The following PTPN13 variants were observed in gnomAD, a reference collection of about 807,000 sequenced individuals.
PTPN13 encodes protein tyrosine phosphatase non-receptor type 13.
A neutral mutation model predicts 284.0 loss-of-function variants in PTPN13; 191 were observed. That is an observed-to-expected ratio of 0.67 (90% CI 0.60 to 0.76). The LOEUF is 0.76. PTPN13 is among the 30% of genes least tolerant of loss of function. PTPN13 has a pLI of 0.00. For synonymous variants in PTPN13, 986 were observed against 1,022.3 expected, an observed-to-expected ratio of 0.96 and a Z score of 0.68; for missense variants, 2,797 against 2,939.9, an observed-to-expected ratio of 0.95 and a Z score of 1.12.
intron 35 of PTPN13, among the ~76,000 whole-genome samples, chr4:86,776,641 C>A (rs1740680072): frequency 6.6e-6 from 1 of 152,184 alleles, no homozygotes; most frequent in African/African-American, 2.4e-5. Flanking sequence ...AAATACCCAA[C>A]CTACCAAACA....
intron 2 of PTPN13, among the ~76,000 whole-genome samples, chr4:86,664,665 AT>A (rs1488307519): frequency 1.3e-5 from 2 of 152,196 alleles, no homozygotes; most frequent in East Asian, 3.8e-4. Context: ...GTATTTTGGC[AT>A]GTAATTTTGG....
rs184221078 is a variant in PTPN13, at chr4:86,732,464, G to C, written c.1673G>C (p.Arg558Pro). 12 of 1,600,642 alleles carry C rather than the reference G, an allele frequency of 7.5e-6. No homozygotes were observed. In the South Asian group the frequency reaches 1.0e-4, roughly 14 times the overall value. ...IEPFISLDLPRSILTKKGKNE... is the reference protein window; with the variant it reads ...IEPFISLDLPPSILTKKGKNE... The stretch of plus-strand genomic sequence containing the variant: ...CCATTTATATCTTTGGATTTGCCAC[G>C]GTCTATTCTTGTAAGTAATAAAACC... Residue 558 changes from arginine to proline, a missense_variant, in exon 11 of 48, where the codon CGG becomes CCG. Arg to Pro is a moderately radical substitution (Grantham distance 103). Transcript: ENST00000411767.
At chr4:86,622,390 T>C (rs546059554) in intron 1 of PTPN13, among the ~76,000 whole-genome samples, 1 of 152,218 alleles carries the variant, frequency 6.6e-6, no homozygotes, top group African/African-American at 2.4e-5. Flanking sequence ...TGGTAATAAC[T>C]AAGTACATAA....
At chr4:86,748,756 C>T (rs964896307) in intron 17 of PTPN13, among the ~76,000 whole-genome samples, 5 of 151,972 alleles carry the variant, frequency 3.3e-5, no homozygotes, top group South Asian at 4.1e-4. Context: ...CCCGGGTTCA[C>T]GCCATTCTCC....
At chr4:86,684,926 A>G (rs146298891) in intron 3 of PTPN13, among the ~76,000 whole-genome samples, 1 of 152,250 alleles carries the variant, frequency 6.6e-6, no homozygotes, top group Admixed American at 6.5e-5. Context: ...GTCACAGAAA[A>G]AAATAGAAGC....
intron 20 of PTPN13, 116 bp from the exon 21 acceptor site, chr4:86,758,144 T>A (rs1037929213): frequency 1.7e-6 from 1 of 583,884 alleles, no homozygotes; most frequent in Non-Finnish European, 2.9e-6. Context: ...TTAAAATATA[T>A]GTTTAAGTGA....
intron 2 of PTPN13, among the ~76,000 whole-genome samples, chr4:86,660,543 AG>A (rs1292837983): frequency 6.6e-6 from 1 of 152,178 alleles, no homozygotes; most frequent in African/African-American, 2.4e-5. Context: ...TTTTATCTAT[AG>A]CCATAATTTT....
chr4:86,637,119 A>C (rs1168469475), intron 2 of PTPN13, among the ~76,000 whole-genome samples: 2 of 152,170 alleles, frequency 1.3e-5, no homozygotes, highest in Non-Finnish European at 2.9e-5. Flanking sequence ...CTCTCCCAAG[A>C]CTAAACCAGG....
At chr4:86,688,592 A>T (rs1298066064) in intron 4 of PTPN13, among the ~76,000 whole-genome samples, 1 of 152,090 alleles carries the variant, frequency 6.6e-6, no homozygotes, top group Non-Finnish European at 1.5e-5. Context: ...TTATCATGGG[A>T]GTATCTAATT....
chr4:86,784,533 A>T lies in PTPN13; in HGVS notation c.6093A>T (p.Gly2031=). The change falls in exon 38 of 48, where the codon GGA becomes GGT. Residue 2031 remains glycine, a synonymous_variant. Coordinates refer to ENST00000411767, the MANE Select transcript of PTPN13 (RefSeq NM_080683.3). ...AATGTTCTACTTATCAGATAAAGGGATCACCAAACTTGACTCTGCCCAAAG... is the reference window on the plus strand; with the variant it reads ...AATGTTCTACTTATCAGATAAAGGGTTCACCAAACTTGACTCTGCCCAAAG... ...KGKCSTYQIK[G]SPNLTLPKES... is the part of the protein sequence containing the mutation. 6.2e-7 allele frequency: 1 copy of T among 1,608,178 alleles called. No individual in the cohort carries two copies. Among genetic ancestry groups the T allele is most frequent in the Non-Finnish European group, 8.5e-7 (1 of 1,177,764 alleles).
intron 1 of PTPN13, among the ~76,000 whole-genome samples, chr4:86,598,226 C>T (rs920277103): frequency 6.6e-6 from 1 of 151,946 alleles, no homozygotes; most frequent in African/African-American, 2.4e-5. Context: ...GCAACCTCTG[C>T]CCCCGATCCT....
At chr4:86,753,611 A>C (rs1737639402) in intron 20 of PTPN13, among the ~76,000 whole-genome samples, 2 of 152,216 alleles carry the variant, frequency 1.3e-5, no homozygotes, top group East Asian at 3.9e-4. Context: ...TTAAATGCTG[A>C]GATTATAGTT....
At chr4:86,757,469 A>G (rs1646213447) in intron 20 of PTPN13, among the ~76,000 whole-genome samples, 1 of 152,142 alleles carries the variant, frequency 6.6e-6, no homozygotes, top group African/African-American at 2.4e-5. Context: ...TAATGGAACT[A>G]TTAATAGATC....
In PTPN13 at chr4:86,701,270, A is replaced by G. The variant is rs1013192792; in HGVS notation, c.664A>G (p.Ile222Val). The G allele has an allele frequency of 1.9e-5, 31 of 1,595,810 alleles. No individual in the cohort carries two copies. In the East Asian group the frequency reaches 6.3e-4, roughly 32 times the overall value. ...GRSSTSDVLD[I>V]QKPPLSHQTF... ...AAGCTCTACTTCTGATGTACTAGAC[A>G]TACAAAAGCCTCCACTCTCTCATCA... is the stretch of plus-strand genomic sequence containing the variant. The change falls in exon 7 of 48, where the codon ATA becomes GTA. Residue 222 changes from isoleucine (I) to valine (V), a missense_variant. Transcript: ENST00000411767.
At chr4:86,782,322 G>C in intron 37 of PTPN13, 60 bp downstream of exon 37, 1 of 1,421,442 alleles carries the variant, frequency 7.0e-7, no homozygotes, top group African/African-American at 1.4e-5. Flanking sequence ...CTGCATGTTT[G>C]TGTTTTGAAC....
At chr4:86,616,825 A>G (rs557319144) in intron 1 of PTPN13, among the ~76,000 whole-genome samples, 1 of 152,294 alleles carries the variant, frequency 6.6e-6, no homozygotes, top group South Asian at 2.1e-4. Flanking sequence ...TTTATGAATT[A>G]CCTAGCCTCA....
intron 2 of PTPN13, among the ~76,000 whole-genome samples, chr4:86,648,076 A>C (rs1293497893): frequency 6.6e-6 from 1 of 152,170 alleles, no homozygotes; most frequent in East Asian, 1.9e-4. Flanking sequence ...CAGATTAAAC[A>C]GAATATCATT....
chr4:86,803,108 A>AGTGTGTGT (rs1744225593), intron 42 of PTPN13, among the ~76,000 whole-genome samples: 4 of 139,182 alleles, frequency 2.9e-5, no homozygotes, highest in Non-Finnish European at 6.3e-5. Flanking sequence ...GTGTGTATAA[A>AGTGTGTGT]ATAAAATAAA....
chr4:86,666,925 C>A (rs1727152356), intron 2 of PTPN13, among the ~76,000 whole-genome samples: 1 of 152,200 alleles, frequency 6.6e-6, no homozygotes, highest in Admixed American at 6.5e-5. Flanking sequence ...CCCAGGTAAC[C>A]TTTTCCTATT....
Sources: allele counts gnomAD v4.1 joint callset (sites outside exome capture counted in the v4.1 genomes callset), GRCh38; gene constraint gnomAD v4.1.1; transcripts MANE v1.5; gene names NCBI Gene and HGNC (gene_info 2026-07-23, HGNC 2026-07-21).